The following FPR3 variants were observed in gnomAD, a reference collection of about 807,000 sequenced individuals.
The protein encoded by FPR3 is N-formyl peptide receptor 3.
For missense variants in FPR3, 346 were observed against 443.2 expected, an observed-to-expected ratio of 0.78 and a Z score of 1.97; for synonymous variants, 135 against 163.6, an observed-to-expected ratio of 0.83 and a Z score of 1.34.
intron 1 of FPR3, among the ~76,000 whole-genome samples, chr19:51,818,051 G>A (rs902457921): frequency 2.0e-5 from 3 of 147,814 alleles, no homozygotes; most frequent in East Asian, 2.0e-4. Context: ...ATGAGTTCAC[G>A]TCCTTTTTAG....
chr19:51,809,748 T>C (rs1371192627), intron 1 of FPR3, among the ~76,000 whole-genome samples: 2 of 152,210 alleles, frequency 1.3e-5, no homozygotes, highest in Non-Finnish European at 2.9e-5. Flanking sequence ...GGAACTTTGA[T>C]GGGTTTGTCT....
intron 1 of FPR3, among the ~76,000 whole-genome samples, chr19:51,817,292 A>G (rs954391245): frequency 6.6e-6 from 1 of 152,116 alleles, no homozygotes; most frequent in African/African-American, 2.4e-5. Context: ...ACTGTACTAC[A>G]CTCAACAAAC....
At chr19:51,801,250 T>C (rs1171902491) in intron 1 of FPR3, among the ~76,000 whole-genome samples, 1 of 152,004 alleles carries the variant, frequency 6.6e-6, no homozygotes, top group Non-Finnish European at 1.5e-5. Flanking sequence ...AACTTCTAGA[T>C]ATGGGGGTGA....
At chr19:51,815,320 C>T (rs2084127328) in intron 1 of FPR3, among the ~76,000 whole-genome samples, 2 of 151,962 alleles carry the variant, frequency 1.3e-5, no homozygotes, top group South Asian at 2.1e-4. Flanking sequence ...CCAGCACTCT[C>T]GAAGGCCGAG....
Position 51,824,621 on chromosome 19 carries a change from C to G in FPR3, c.873C>G (p.Ala291=). 6.2e-7 allele frequency: 1 copy of G among 1,614,062 alleles called. No individual in the cohort carries two copies. Among genetic ancestry groups the G allele is most frequent in the Non-Finnish European group, 8.5e-7 (1 of 1,179,994 alleles). The change falls in exon 2 of 2, where the codon GCC becomes GCG. Residue 291 remains alanine (A), a synonymous_variant. Transcript: ENST00000339223. The surrounding 1 kb of genome is among the most constrained non-coding windows in gnomAD (Gnocchi z 4.7). ...LVLINPTSSL[A]FFNSCLNPIL... ...TGATTAACCCAACAAGCTCCTTGGCCTTTTTTAACAGCTGCCTCAACCCAA... is the reference window on the plus strand; with the variant it reads ...TGATTAACCCAACAAGCTCCTTGGCGTTTTTTAACAGCTGCCTCAACCCAA...
At position 51,825,913 on chromosome 19, in the gene FPR3, C is replaced by T. The variant is rs1274900705; in HGVS notation, c.*1103C>T. 1 of 166,996 alleles carries T rather than the reference C, an allele frequency of 6.0e-6. No individual in the cohort carries two copies. The highest frequency in any genetic ancestry group is 2.4e-5 in the African/African-American group (1 of 41,430). The allele number at this position is 166,996 out of a possible 1,614,324, so 10.3% of individuals were successfully genotyped here. On this transcript the variant is annotated 3_prime_UTR_variant, in exon 2 of 2. Transcript: ENST00000339223. ...GAGATAGTGTTTTTTTAGAAAAAAA[C>T]TTTATCTTACCATTAAGTAAAATGT...
intron 1 of FPR3, among the ~76,000 whole-genome samples, chr19:51,822,757 C>T (rs17761883): frequency 0.11 from 16,258 of 152,212 alleles, 1,059 homozygotes; most frequent in East Asian, 0.21. Context: ...AGATATACAA[C>T]GGATGCTAAG....
intron 1 of FPR3, among the ~76,000 whole-genome samples, chr19:51,817,272 A>T (rs1204813749): frequency 6.6e-6 from 1 of 152,182 alleles, no homozygotes; most frequent in African/African-American, 2.4e-5. Flanking sequence ...CCATTGGTTT[A>T]AACTGAGCTA....
chr19:51,823,695 G>C, intron 1 of FPR3, 44 bp from the exon 2 acceptor site: 4 of 1,411,716 alleles, frequency 2.8e-6, no homozygotes, highest in Non-Finnish European at 3.9e-6. Flanking sequence ...TGTATTGTAA[G>C]ATGGTGTCAC....
chr19:51,823,489 G>T (rs536881596), intron 1 of FPR3, among the ~76,000 whole-genome samples: 13 of 152,252 alleles, frequency 8.5e-5, no homozygotes, highest in African/African-American at 3.1e-4. Context: ...TTCCGCTGGT[G>T]GACAGAGCCC....
At chr19:51,817,790 G>A (rs4802872) in intron 1 of FPR3, 1 of 151,844 alleles carries the variant, frequency 6.6e-6, no homozygotes, top group Admixed American at 6.6e-5. Flanking sequence ...TGTGTTGCTC[G>A]ACAGGAAGCC....
Position 51,824,223 on chromosome 19 carries a change from C to A in FPR3, c.475C>A (p.Pro159Thr), listed in dbSNP as rs1258611616. Residue 159 changes from proline (P) to threonine (T), a missense_variant, in exon 2 of 2, where the codon CCA becomes ACA. Pro to Thr is a conservative substitution (Grantham distance 38). Coordinates refer to ENST00000339223, the MANE Select transcript of FPR3 (RefSeq NM_002030.5). This position sits in a 1 kb window ranked among gnomAD's most constrained non-coding sequence, Gnocchi z 4.7. ...GATTTTCACCATAGTCCTTACCTTA[C>A]CAAATTTCATCTTCTGGACTACAAT... The part of the protein sequence containing the change: ...LWIFTIVLTL[P>T]NFIFWTTIST... 2.5e-6 allele frequency: 4 copies of A among 1,614,036 alleles called. No individual in the cohort carries two copies. The African/African-American group carries it at 4.0e-5, about 16-fold the overall frequency.
intron 1 of FPR3, among the ~76,000 whole-genome samples, chr19:51,805,971 A>C (rs2084056268): frequency 2.0e-5 from 3 of 152,288 alleles, no homozygotes; most frequent in African/African-American, 7.2e-5. Flanking sequence ...ATGTGTTCGC[A>C]ATGTGCTATG....
At chr19:51,815,477 T>C (rs1340718785) in intron 1 of FPR3, among the ~76,000 whole-genome samples, 1 of 151,806 alleles carries the variant, frequency 6.6e-6, no homozygotes, top group African/African-American at 2.4e-5. Flanking sequence ...GGAGAATTGC[T>C]TGAACTGCTT....
At chr19:51,807,214 A>G (rs2084065356) in intron 1 of FPR3, among the ~76,000 whole-genome samples, 1 of 129,484 alleles carries the variant, frequency 7.7e-6, no homozygotes, top group Non-Finnish European at 1.6e-5. Context: ...GATAGCAGGA[A>G]GTGGGGGGGG....
chr19:51,806,382 A>T (rs7248607), intron 1 of FPR3, among the ~76,000 whole-genome samples: 1 of 152,088 alleles, frequency 6.6e-6, no homozygotes, highest in Non-Finnish European at 1.5e-5. Context: ...GGGGATTTCC[A>T]TAACACTTTC....
At chr19:51,797,084 AG>A (rs2084004289) in intron 1 of FPR3, among the ~76,000 whole-genome samples, 1 of 152,208 alleles carries the variant, frequency 6.6e-6, no homozygotes, top group African/African-American at 2.4e-5. Context: ...CTCATGGCAT[AG>A]GAAAAATGTG....
At position 51,809,868 on chromosome 19, in the gene FPR3, G is replaced by A. The variant is rs114389712; in HGVS notation, c.-10-13871G>A. ...TCTGGGAACCCATGCCTGGAACGGGGTTGAGGTCTGGACTGGGAATGCCCT... is the reference window on the plus strand; with the variant it reads ...TCTGGGAACCCATGCCTGGAACGGGATTGAGGTCTGGACTGGGAATGCCCT... On this transcript the variant is annotated intron_variant, in intron 1 of 1. Coordinates refer to ENST00000339223, the MANE Select transcript of FPR3 (RefSeq NM_002030.5). Among the ~76,000 whole-genome samples the A allele has an allele frequency of 4.8e-3, 737 of 152,244 alleles. 8 individuals are homozygous for A. Among genetic ancestry groups the A allele is most frequent in the African/African-American group, 0.016 (674 of 41,550 alleles).
chr19:51,800,905 AT>A (rs2084023677), intron 1 of FPR3, among the ~76,000 whole-genome samples: 1 of 152,128 alleles, frequency 6.6e-6, no homozygotes, highest in Non-Finnish European at 1.5e-5. Flanking sequence ...CACTTTAAAG[AT>A]TTTATGTGAA....
Sources: gnomAD v4.1 joint callset for allele counts (sites outside exome capture counted in the v4.1 genomes callset) on GRCh38, gnomAD v4.1.1 for gene constraint, Gnocchi (gnomAD v3.1) non-coding constraint, MANE v1.5 for transcripts, NCBI Gene and HGNC (gene_info 2026-07-23, HGNC 2026-07-21) for gene names.